Variants in KIRREL3 observed in about 807,000 individuals in gnomAD.
KIRREL3 encodes kirre like nephrin family adhesion molecule 3.
Under a neutral mutation model 89.7 loss-of-function variants are expected in KIRREL3, and 36 were observed. The ratio of observed to expected loss-of-function variants is 0.40; its 90% CI spans 0.31 to 0.53. The LOEUF (loss-of-function observed/expected upper bound fraction) is 0.53. Ranked by LOEUF, KIRREL3 falls within the 20% of genes least tolerant of loss-of-function variation. KIRREL3 has a pLI of 0.49. For synonymous variants in KIRREL3, 445 were observed against 441.4 expected (o/e 1.01, Z -0.10); for missense variants, 864 against 1,056.6 (o/e 0.82, Z 2.53).
intron 4 of KIRREL3, among the ~76,000 whole-genome samples, chr11:126,478,300 TATTATCTGTCACC>T (rs1265479938): frequency 6.6e-6 from 1 of 152,264 alleles, no homozygotes; most frequent in African/African-American, 2.4e-5. Context: ...TGGGTTCATT[TATTATCTGTCACC>T]GTTCTAGAAA....
chr11:126,626,493 T>C (rs1157499205), intron 1 of KIRREL3, among the ~76,000 whole-genome samples: 1 of 152,176 alleles, frequency 6.6e-6, no homozygotes, highest in Non-Finnish European at 1.5e-5. Flanking sequence ...GAGGGCTCCA[T>C]TGTGCCAACC....
At position 126,752,345 on chromosome 11, in the gene KIRREL3, G is replaced by A. The variant is rs1949362652; in HGVS notation, c.56-189433C>T. Reference sequence around the variant, plus strand: ...AGATTCCTTTCCTGAGAGTTGAAATGATGGCTTTAAAAAATGTCAGGATTA... The same window carrying A: ...AGATTCCTTTCCTGAGAGTTGAAATAATGGCTTTAAAAAATGTCAGGATTA... On this transcript the variant is annotated intron_variant, in intron 1 of 16. Coordinates refer to ENST00000525144, the MANE Select transcript of KIRREL3 (RefSeq NM_032531.4). The surrounding 1 kb of genome is among the most constrained non-coding windows in gnomAD (Gnocchi z 4.8). Among the ~76,000 whole-genome samples the A allele has an allele frequency of 6.6e-6, 1 of 152,012 alleles. No individual in the cohort carries two copies. Among genetic ancestry groups the A allele is most frequent in the Admixed American group, 6.6e-5 (1 of 15,266 alleles).
chr11:126,799,567 G>A (rs1950966250), intron 1 of KIRREL3, among the ~76,000 whole-genome samples: 2 of 43,280 alleles, frequency 4.6e-5, no homozygotes, highest in African/African-American at 8.1e-5. Flanking sequence ...GGGAAAGAAG[G>A]TGAGACTCCT....
At position 126,565,753 on chromosome 11, in the gene KIRREL3, G is replaced by A. The variant is rs538554017; in HGVS notation, c.56-2841C>T. 6.6e-6 allele frequency among the ~76,000 whole-genome samples: 1 copy of A among 152,258 alleles called. No individual in the cohort carries two copies. The highest frequency in any genetic ancestry group is 2.1e-4 in the South Asian group (1 of 4,818). On this transcript the variant is annotated intron_variant, in intron 1 of 16. Transcript: ENST00000525144. This position sits in a 1 kb window ranked among gnomAD's most constrained non-coding sequence, Gnocchi z 5.4. Reference sequence around the variant, plus strand: ...CATGAGTGTGCCAGCAGGGAGTGAAGTGGGGGAAGGGAGGGGATGCTGGAA... The same window carrying A: ...CATGAGTGTGCCAGCAGGGAGTGAAATGGGGGAAGGGAGGGGATGCTGGAA...
intron 16 of KIRREL3, 30 bp from the exon 17 acceptor site, chr11:126,425,053 C>G: frequency 6.8e-7 from 1 of 1,480,806 alleles, no homozygotes; most frequent in Non-Finnish European, 9.0e-7. Context: ...AGGAGCGTCA[C>G]CTGGTGGAGT....
chr11:126,543,428 G>A (rs550544848), intron 2 of KIRREL3, among the ~76,000 whole-genome samples: 9 of 152,220 alleles, frequency 5.9e-5, no homozygotes, highest in Non-Finnish European at 7.4e-5. Flanking sequence ...CCCATTTTAC[G>A]GACAAGGAAA....
At position 126,773,295 on chromosome 11, in the gene KIRREL3, T is replaced by C. The variant is rs1024988556; in HGVS notation, c.56-210383A>G. Among the ~76,000 whole-genome samples, 4 of 152,230 alleles carry C rather than the reference T, an allele frequency of 2.6e-5. No individual in the cohort carries two copies. The highest frequency in any genetic ancestry group is 2.1e-4 in the South Asian group (1 of 4,816). On this transcript the variant is annotated intron_variant, in intron 1 of 16. Coordinates refer to ENST00000525144, the MANE Select transcript of KIRREL3 (RefSeq NM_032531.4). This position sits in a 1 kb window ranked among gnomAD's most constrained non-coding sequence, Gnocchi z 4.2. ...CTGAGTGAAGTCAATACAGTGTGGG[T>C]CGGCTTTGTCCCATCAGTTCAGGGC...
intron 1 of KIRREL3, among the ~76,000 whole-genome samples, chr11:126,756,112 C>G (rs540014848): frequency 2.0e-5 from 3 of 152,158 alleles, no homozygotes; most frequent in Admixed American, 2.0e-4. Flanking sequence ...GCCAATAAAG[C>G]TCATATTGTT....
Position 126,561,338 on chromosome 11 carries a change from A to G in KIRREL3, c.133+1497T>C, listed in dbSNP as rs984704077. ...ATCCCATCCCCTCATCTCCTCAGCC[A>G]CCCAGAAGCTGAGGTCAGATATCTG... is the stretch of plus-strand genomic sequence containing the variant. On this transcript the variant is annotated intron_variant, in intron 2 of 16. Transcript: ENST00000525144. This position sits in a 1 kb window ranked among gnomAD's most constrained non-coding sequence, Gnocchi z 4.5. Among the ~76,000 whole-genome samples, 2 of 152,188 alleles carry G rather than the reference A, an allele frequency of 1.3e-5. No homozygotes were observed. The highest frequency in any genetic ancestry group is 3.8e-4 in the East Asian group (2 of 5,196).
At chr11:126,914,868 C>T (rs537168075) in intron 1 of KIRREL3, among the ~76,000 whole-genome samples, 27 of 152,276 alleles carry the variant, frequency 1.8e-4, no homozygotes, top group African/African-American at 5.1e-4. Flanking sequence ...GCCAAATGTA[C>T]GTTGAAAAGT....
chr11:126,571,845 T>G lies in KIRREL3; in HGVS notation c.56-8933A>C, dbSNP rs1311598838. 6.6e-6 allele frequency among the ~76,000 whole-genome samples: 1 copy of G among 152,186 alleles called. No individual in the cohort carries two copies. The highest frequency in any genetic ancestry group is 1.5e-5 in the Non-Finnish European group (1 of 68,028). On this transcript the variant is annotated intron_variant, in intron 1 of 16. Transcript: ENST00000525144. This position sits in a 1 kb window ranked among gnomAD's most constrained non-coding sequence, Gnocchi z 7.7. ...CCATGTGCAAGGATGCCTCAGCCCG[T>G]CTCTGATTTAACGTATCTAATTCCA...
intron 11 of KIRREL3, among the ~76,000 whole-genome samples, chr11:126,437,407 ACAT>A (rs1955395722): frequency 6.6e-6 from 1 of 152,308 alleles, no homozygotes; most frequent in African/African-American, 2.4e-5. Context: ...TATAACACAC[ACAT>A]CACCACGTAC....
At chr11:126,444,615 A>T (rs1955716895) in intron 10 of KIRREL3, among the ~76,000 whole-genome samples, 1 of 152,142 alleles carries the variant, frequency 6.6e-6, no homozygotes, top group Non-Finnish European at 1.5e-5. Context: ...ACCAACAAAA[A>T]ATTCTCACGG....
intron 10 of KIRREL3, among the ~76,000 whole-genome samples, chr11:126,442,745 G>T (rs931610692): frequency 2.0e-5 from 3 of 152,250 alleles, no homozygotes; most frequent in Non-Finnish European, 2.9e-5. Context: ...TTCGCCCCCT[G>T]GCAGGTCTGG....
chr11:126,932,411 C>T (rs1317898570), intron 1 of KIRREL3, among the ~76,000 whole-genome samples: 3 of 151,956 alleles, frequency 2.0e-5, no homozygotes, highest in Non-Finnish European at 2.9e-5. Context: ...AGCAGGTTCC[C>T]GTCTTGGACA....
At chr11:126,988,986 T>C (rs1949949592) in intron 1 of KIRREL3, among the ~76,000 whole-genome samples, 1 of 152,120 alleles carries the variant, frequency 6.6e-6, no homozygotes, top group South Asian at 2.1e-4. Flanking sequence ...ACGCAGCTCT[T>C]GGTGAAAGGA....
chr11:126,746,992 G>A (rs904106503), intron 1 of KIRREL3, among the ~76,000 whole-genome samples: 3 of 152,292 alleles, frequency 2.0e-5, no homozygotes, highest in South Asian at 2.1e-4. Flanking sequence ...ATTAGTGCTG[G>A]CTGCTTCCAG....
Position 126,574,383 on chromosome 11 carries a change from AC to A in KIRREL3, c.56-11472del, listed in dbSNP as rs889159502. On this transcript the variant is annotated intron_variant, in intron 1 of 16. Transcript: ENST00000525144. The surrounding 1 kb of genome is among the most constrained non-coding windows in gnomAD (Gnocchi z 5.3). ...AGCTCTTTTCTTCTCTTTAATGATA[AC>A]CTTTCAGCAGTGAGTGGGCAAAGGA... Among the ~76,000 whole-genome samples the A allele has an allele frequency of 5.1e-4, 78 of 152,220 alleles. No individual in the cohort carries two copies. Among genetic ancestry groups the A allele is most frequent in the Middle Eastern group, 3.4e-3 (1 of 294 alleles).
rs549498735 is a variant in KIRREL3, at chr11:126,429,514, C to A, written c.1697-226G>T. ...ACCCCATGGCCGGCCTGCCTCCTGT[C>A]ACATGCCCCTCAGCCATGCACCCTT... is the stretch of plus-strand genomic sequence containing the variant. On this transcript the variant is annotated intron_variant, in intron 14 of 16. Transcript: ENST00000525144. The surrounding 1 kb of genome is among the most constrained non-coding windows in gnomAD (Gnocchi z 5.2). 6.6e-6 allele frequency among the ~76,000 whole-genome samples: 1 copy of A among 152,296 alleles called. No homozygotes were observed. Among genetic ancestry groups the A allele is most frequent in the Non-Finnish European group, 1.5e-5 (1 of 68,018 alleles).
Sources: allele counts gnomAD v4.1 joint callset (sites outside exome capture counted in the v4.1 genomes callset), GRCh38; gene constraint gnomAD v4.1.1; non-coding constraint Gnocchi (gnomAD v3.1); transcripts MANE v1.5; gene names NCBI Gene and HGNC (gene_info 2026-07-23, HGNC 2026-07-21).